HLCS: variants seen among roughly 807,000 people sequenced by gnomAD.
HLCS encodes the protein holocarboxylase synthetase.
A neutral mutation model predicts 75.0 loss-of-function variants in HLCS; 53 were observed. The ratio of observed to expected loss-of-function variants is 0.71; its 90% CI spans 0.57 to 0.89. The LOEUF (loss-of-function observed/expected upper bound fraction) is 0.89. HLCS is among the 40% of genes least tolerant of loss of function. HLCS has a pLI of 0.00. For synonymous variants in HLCS, 431 were observed against 428.6 expected, an observed-to-expected ratio of 1.01 and a Z score of -0.07; for missense variants, 966 against 1,074.0, an observed-to-expected ratio of 0.90 and a Z score of 1.41.
At chr21:36,978,124 T>C (rs1317527983) in intron 1 of HLCS, among the ~76,000 whole-genome samples, 1 of 152,240 alleles carries the variant, frequency 6.6e-6, no homozygotes, top group Non-Finnish European at 1.5e-5. Context: ...AGTTACTTTA[T>C]CTGCCAACTG....
chr21:36,794,017 T>A (rs908093320), intron 6 of HLCS, among the ~76,000 whole-genome samples: 2 of 152,246 alleles, frequency 1.3e-5, no homozygotes, highest in Non-Finnish European at 2.9e-5. Context: ...CCCTGGATTC[T>A]TAGCTTCTAC....
intron 6 of HLCS, among the ~76,000 whole-genome samples, chr21:36,812,640 T>C (rs931170631): frequency 2.6e-5 from 4 of 152,282 alleles, no homozygotes; most frequent in African/African-American, 9.6e-5. Context: ...AAATTTAGTA[T>C]GTTGAAAACT....
At chr21:36,940,918 T>C (rs988421303) in intron 2 of HLCS, among the ~76,000 whole-genome samples, 1 of 152,112 alleles carries the variant, frequency 6.6e-6, no homozygotes. Context: ...TCTGATACTT[T>C]TGAAGTGTTT....
chr21:36,842,744 A>G lies in HLCS; in HGVS notation c.1892+54116T>C, dbSNP rs929069689. ...GGCAACAGAGCAAGACTCAGTCTCA[A>G]AAAAACAAACAACAACCAAAAAAAC... On this transcript the variant is annotated intron_variant, in intron 6 of 10. Coordinates refer to ENST00000674895, the MANE Select transcript of HLCS (RefSeq NM_001352514.2). This position sits in a 1 kb window ranked among gnomAD's most constrained non-coding sequence, Gnocchi z 4.2. 6.6e-6 allele frequency among the ~76,000 whole-genome samples: 1 copy of G among 152,182 alleles called. No individual in the cohort carries two copies. The highest frequency in any genetic ancestry group is 2.4e-5 in the African/African-American group (1 of 41,438).
At position 36,936,490 on chromosome 21, in the gene HLCS, C is replaced by T; in HGVS notation, c.1396G>A (p.Val466Met). Residue 466 changes from valine (V) to methionine (M), a missense_variant, in exon 4 of 11, where the codon GTG becomes ATG. Val to Met is a conservative substitution (Grantham distance 21). Coordinates refer to ENST00000674895, the MANE Select transcript of HLCS (RefSeq NM_001352514.2). ...NEDKDRMIVHVPFGTRGGEAV... is the reference protein window; with the variant it reads ...NEDKDRMIVHMPFGTRGGEAV... ...TCTCCCCCGCGAGTTCCAAAAGGCA[C>T]ATGCACAATCATCCTGTCCTTGTCC... 1.9e-6 allele frequency: 3 copies of T among 1,614,246 alleles called. No homozygotes were observed. Among genetic ancestry groups the T allele is most frequent in the East Asian group, 2.2e-5 (1 of 44,892 alleles).
At chr21:36,970,714 C>T (rs986933758), upstream of HLCS, among the ~76,000 whole-genome samples, 5 of 151,682 alleles carry the variant, frequency 3.3e-5, no homozygotes, top group African/African-American at 9.7e-5. Flanking sequence ...AAATCTTCGC[C>T]GGGCACAGTG....
chr21:36,793,211 C>T (rs146667317), intron 6 of HLCS, among the ~76,000 whole-genome samples: 2,088 of 152,050 alleles, frequency 0.014, 40 homozygotes, highest in African/African-American at 0.047. Flanking sequence ...CTCTACGACC[C>T]CCGCTGCTTA....
Position 36,897,067 on chromosome 21 carries a change from G to A in HLCS, c.1685C>T (p.Ser562Phe), listed in dbSNP as rs770873445. ...AACAAATCTAAGAGAGAGCTGGCCG[G>A]ATTTTATTTCTCCCTCGGAGTCCAC... is the stretch of plus-strand genomic sequence containing the variant. ...KHVDSEGEIK[S>F]GQLSLRFVSS... Residue 562 changes from serine (S) to phenylalanine (F), a missense_variant, in exon 6 of 11, where the codon TCC becomes TTC. Coordinates refer to ENST00000674895, the MANE Select transcript of HLCS (RefSeq NM_001352514.2). 1.2e-6 allele frequency: 2 copies of A among 1,613,962 alleles called. No homozygotes were observed. Among genetic ancestry groups the A allele is most frequent in the Admixed American group, 1.7e-5 (1 of 60,002 alleles).
chr21:36,776,572 G>A (rs2060364657), intron 6 of HLCS, among the ~76,000 whole-genome samples: 1 of 152,010 alleles, frequency 6.6e-6, no homozygotes, highest in Non-Finnish European at 1.5e-5. Flanking sequence ...GCACCACCAT[G>A]CCCGGCTAAT....
At chr21:36,775,057 G>T (rs1470991253) in intron 6 of HLCS, among the ~76,000 whole-genome samples, 1 of 152,144 alleles carries the variant, frequency 6.6e-6, no homozygotes, top group Admixed American at 6.5e-5. Context: ...ACGGGAATCG[G>T]GACTGTTCAA....
At chr21:36,755,168 G>C (rs1435573883) in intron 10 of HLCS, among the ~76,000 whole-genome samples, 1 of 152,048 alleles carries the variant, frequency 6.6e-6, no homozygotes, top group Non-Finnish European at 1.5e-5. Flanking sequence ...AGGCCAAGGT[G>C]GGAGGATTGC....
intron 5 of HLCS, among the ~76,000 whole-genome samples, chr21:36,909,979 G>A (rs1286379322): frequency 1.3e-5 from 2 of 152,158 alleles, no homozygotes; most frequent in African/African-American, 2.4e-5. Context: ...TCATAACATC[G>A]TAAGTTGCTA....
chr21:36,796,089 A>G (rs766300118), intron 6 of HLCS, among the ~76,000 whole-genome samples: 12 of 152,242 alleles, frequency 7.9e-5, no homozygotes, highest in Non-Finnish European at 8.8e-5. Flanking sequence ...AAATGAGGGA[A>G]AGTTGCCTGA....
At chr21:36,819,158 A>T (rs2061751136) in intron 6 of HLCS, among the ~76,000 whole-genome samples, 1 of 152,234 alleles carries the variant, frequency 6.6e-6, no homozygotes, top group South Asian at 2.1e-4. Context: ...TGTGTTTGTT[A>T]AATGAATGAA....
At chr21:36,855,730 C>G (rs1424137779) in intron 6 of HLCS, among the ~76,000 whole-genome samples, 1 of 150,866 alleles carries the variant, frequency 6.6e-6, no homozygotes, top group Non-Finnish European at 1.5e-5. Context: ...GTGCACGCCA[C>G]CACACCTGGC....
intron 6 of HLCS, among the ~76,000 whole-genome samples, chr21:36,836,182 C>T (rs2062405187): frequency 6.6e-6 from 1 of 151,994 alleles, no homozygotes; most frequent in African/African-American, 2.4e-5. Context: ...ACTTACACAG[C>T]TCCATACTGG....
At chr21:36,835,807 C>T (rs1201300227) in intron 6 of HLCS, among the ~76,000 whole-genome samples, 2 of 152,222 alleles carry the variant, frequency 1.3e-5, no homozygotes, top group East Asian at 3.9e-4. Context: ...TGAGGAGGAC[C>T]TAGACAATTT....
intron 6 of HLCS, among the ~76,000 whole-genome samples, chr21:36,853,267 A>G (rs1026607344): frequency 1.3e-5 from 2 of 152,134 alleles, no homozygotes; most frequent in Non-Finnish European, 1.5e-5. Flanking sequence ...TCAGGCACAC[A>G]AAGCTCTATC....
At chr21:36,856,413 C>A (rs559178387) in intron 6 of HLCS, among the ~76,000 whole-genome samples, 1 of 152,056 alleles carries the variant, frequency 6.6e-6, no homozygotes, top group East Asian at 1.9e-4. Context: ...ATTTAGACTG[C>A]GGAAGGCTTT....
Sources: gnomAD v4.1 joint callset for allele counts (sites outside exome capture counted in the v4.1 genomes callset) on GRCh38, gnomAD v4.1.1 for gene constraint, Gnocchi (gnomAD v3.1) non-coding constraint, MANE v1.5 for transcripts, NCBI Gene and HGNC (gene_info 2026-07-23, HGNC 2026-07-21) for gene names.